The following ZNF469 variants were observed in gnomAD, a reference collection of about 807,000 sequenced individuals.
ZNF469 encodes zinc finger protein 469.
Under a neutral mutation model 1.0 loss-of-function variants are expected in ZNF469, and 1 was observed. The observed-to-expected ratio is 1.00, with a 90% CI of 0.35 to 4.73. The LOEUF is 4.73. Among genes scored for constraint, ZNF469 ranks in the 30% most tolerant of loss-of-function variants. The pLI is 0.16. For synonymous variants in ZNF469, 2,703 were observed against 2,363.4 expected, an observed-to-expected ratio of 1.14 and a Z score of -4.17; for missense variants, 6,100 against 5,356.3, an observed-to-expected ratio of 1.14 and a Z score of -4.33.
At chr16:88,303,819 C>G in the ZNF469 span, among the ~76,000 whole-genome samples, 1 of 152,200 alleles carries the variant, frequency 6.6e-6, no homozygotes, top group Non-Finnish European at 1.5e-5. Context: ...AATTATCTTC[C>G]TCTCATCAGG....
At chr16:88,173,153 C>T in the ZNF469 span, among the ~76,000 whole-genome samples, 1 of 152,074 alleles carries the variant, frequency 6.6e-6, no homozygotes, top group Non-Finnish European at 1.5e-5. Context: ...CCAAAAGAGC[C>T]ACATCAAGGC....
the ZNF469 span, among the ~76,000 whole-genome samples, chr16:88,144,074 G>T: frequency 6.6e-6 from 1 of 152,214 alleles, no homozygotes; most frequent in African/African-American, 2.4e-5. Flanking sequence ...GACAGGAGTG[G>T]GGAGTGGCCT....
At chr16:88,392,965 T>A (rs1904530674) in intron 1 of ZNF469, among the ~76,000 whole-genome samples, 1 of 152,236 alleles carries the variant, frequency 6.6e-6, no homozygotes, top group Non-Finnish European at 1.5e-5. Flanking sequence ...GTCACCCAGC[T>A]CTTTGAGTCC....
the ZNF469 span, among the ~76,000 whole-genome samples, chr16:88,331,560 T>TCACCATCACCACCACCACCACCAC: frequency 1.4e-5 from 2 of 145,326 alleles, no homozygotes; most frequent in African/African-American, 5.1e-5. Context: ...ACCATCGTCA[T>TCACCATCACCACCACCACCACCAC]CACCATCACC....
At chr16:88,271,689 C>A in the ZNF469 span, among the ~76,000 whole-genome samples, 1 of 150,672 alleles carries the variant, frequency 6.6e-6, no homozygotes, top group Non-Finnish European at 1.5e-5. Context: ...GGAGCTGAGT[C>A]ACCACAGCAG....
At chr16:88,304,876 G>A in the ZNF469 span, among the ~76,000 whole-genome samples, 1 of 152,182 alleles carries the variant, frequency 6.6e-6, no homozygotes, top group Non-Finnish European at 1.5e-5. Flanking sequence ...GGAGGCCAGT[G>A]GACTTGCTTC....
the ZNF469 span, among the ~76,000 whole-genome samples, chr16:88,259,713 ATGTCCC>A: frequency 0.032 from 4,934 of 151,998 alleles, 117 homozygotes; most frequent in South Asian, 0.067. The surrounding 1 kb of genome is among the most constrained non-coding windows in gnomAD (Gnocchi z 4.1). Flanking sequence ...ACTCACACCA[ATGTCCC>A]AGGGTCTCCA....
At chr16:88,160,447 G>C in the ZNF469 span, among the ~76,000 whole-genome samples, 1 of 152,204 alleles carries the variant, frequency 6.6e-6, no homozygotes, top group African/African-American at 2.4e-5. Flanking sequence ...TGCTTGGGGA[G>C]CAAGGGGTGC....
At chr16:88,283,364 G>A in the ZNF469 span, among the ~76,000 whole-genome samples, 1 of 151,882 alleles carries the variant, frequency 6.6e-6, no homozygotes, top group Non-Finnish European at 1.5e-5. Flanking sequence ...GAAGTGTGTT[G>A]GGGAGGTGTG....
rs1279517520 is a variant in ZNF469 at position 88,437,835 on chromosome 16, G to A, written c.10365G>A (p.Arg3455=). Residue 3455 remains arginine, a synonymous_variant, in exon 3 of 3, where the codon AGG becomes AGA. Transcript: ENST00000565624. The part of the protein sequence containing the change: ...RQPFAFRGVR[R]PGAPGQKARA... ...CCTTCGCGTTCCGCGGCGTGCGGAG[G>A]CCGGGAGCGCCGGGACAGAAGGCCC... The A allele has an allele frequency of 1.3e-6, 2 of 1,540,642 alleles. No individual in the cohort carries two copies. The highest frequency in any genetic ancestry group is 1.8e-6 in the Non-Finnish European group (2 of 1,139,940).
chr16:88,161,054 A>G, the ZNF469 span, among the ~76,000 whole-genome samples: 1 of 151,866 alleles, frequency 6.6e-6, no homozygotes, highest in Non-Finnish European at 1.5e-5. Context: ...CCAGCTACTC[A>G]GGAGGCTGAG....
chr16:88,351,684 G>GAGGCCCCCACCCCCGCCGCCGGCAGC, the ZNF469 span, among the ~76,000 whole-genome samples: 6 of 152,146 alleles, frequency 3.9e-5, no homozygotes. Flanking sequence ...GCCCTCTGTG[G>GAGGCCCCCACCCCCGCCGCCGGCAGC]AGGCCCCCAC....
the ZNF469 span, among the ~76,000 whole-genome samples, chr16:88,238,826 C>A: frequency 1.3e-5 from 2 of 152,256 alleles, no homozygotes; most frequent in Non-Finnish European, 2.9e-5. Context: ...TTGAGAAGAG[C>A]AGGCGCCTCT....
At chr16:88,173,442 C>G in the ZNF469 span, among the ~76,000 whole-genome samples, 12 of 152,206 alleles carry the variant, frequency 7.9e-5, no homozygotes, top group African/African-American at 2.6e-4. Flanking sequence ...TGATGGAATT[C>G]ATTGTCAGCA....
At chr16:88,353,147 G>A in the ZNF469 span, among the ~76,000 whole-genome samples, 15 of 152,142 alleles carry the variant, frequency 9.9e-5, no homozygotes, top group African/African-American at 3.4e-4. Context: ...AATGCTGGTC[G>A]CCTAACAGTC....
intron 1 of ZNF469, among the ~76,000 whole-genome samples, chr16:88,401,248 C>A (rs1224153371): frequency 6.6e-6 from 1 of 152,234 alleles, no homozygotes; most frequent in African/African-American, 2.4e-5. Context: ...GACAGTGCCA[C>A]GGGCACCGTG....
At chr16:88,221,730 G>T in the ZNF469 span, among the ~76,000 whole-genome samples, 1 of 152,212 alleles carries the variant, frequency 6.6e-6, no homozygotes, top group Non-Finnish European at 1.5e-5. Context: ...CCAGCGGCCA[G>T]GAGTCCTAAG....
the ZNF469 span, among the ~76,000 whole-genome samples, chr16:88,146,324 C>G: frequency 0.022 from 3,334 of 152,282 alleles, 124 homozygotes; most frequent in African/African-American, 0.077. Flanking sequence ...TGAGGTCAGG[C>G]CCTTCTGGCT....
At chr16:88,249,626 C>T in the ZNF469 span, among the ~76,000 whole-genome samples, 38 of 151,760 alleles carry the variant, frequency 2.5e-4, no homozygotes, top group Non-Finnish European at 4.6e-4. Context: ...TTAGTAGAGA[C>T]GGGATTTCAC....
Sources: allele counts gnomAD v4.1 joint callset (sites outside exome capture counted in the v4.1 genomes callset), GRCh38; gene constraint gnomAD v4.1.1; non-coding constraint Gnocchi (gnomAD v3.1); transcripts MANE v1.5; gene names NCBI Gene and HGNC (gene_info 2026-07-23, HGNC 2026-07-21).